Variants in WDR70 observed in about 807,000 individuals in gnomAD.
WDR70 encodes WD repeat-containing protein 70.
In WDR70, 53 loss-of-function variants were observed where a neutral mutation model predicts 88.6. The ratio of observed to expected loss-of-function variants is 0.60; its 90% CI spans 0.48 to 0.75. The LOEUF is 0.75. Ranked by LOEUF, WDR70 falls within the 30% of genes least tolerant of loss-of-function variation. The pLI, the probability that WDR70 is intolerant of heterozygous loss-of-function variation, is 0.00. For missense variants in WDR70, 610 were observed against 823.2 expected (o/e 0.74, Z 3.17); for synonymous variants, 280 against 270.0 (o/e 1.04, Z -0.36).
chr5:37,414,039 GGAGGCT>G (rs1211194537), intron 5 of WDR70, among the ~76,000 whole-genome samples: 1 of 151,370 alleles, frequency 6.6e-6, no homozygotes, highest in African/African-American at 2.4e-5. Flanking sequence ...CAGCTATTTG[GGAGGCT>G]GAGGCAGGAG....
chr5:37,573,431 C>T (rs995555239), intron 9 of WDR70, among the ~76,000 whole-genome samples: 1 of 152,122 alleles, frequency 6.6e-6, no homozygotes, highest in East Asian at 1.9e-4. Context: ...GCACAACGTG[C>T]AGGATTGTTA....
chr5:37,512,069 T>C (rs567284489), intron 8 of WDR70, among the ~76,000 whole-genome samples: 1 of 152,192 alleles, frequency 6.6e-6, no homozygotes, highest in Non-Finnish European at 1.5e-5. Flanking sequence ...TTGGCAAGAA[T>C]GTTGGCTCTA....
intron 5 of WDR70, among the ~76,000 whole-genome samples, chr5:37,415,268 T>G (rs1749667450): frequency 6.6e-6 from 1 of 151,996 alleles, no homozygotes; most frequent in South Asian, 2.1e-4. Flanking sequence ...GCCATTGTCA[T>G]CATGGCCCGT....
intron 6 of WDR70, among the ~76,000 whole-genome samples, chr5:37,440,927 C>A (rs550858809): frequency 6.6e-6 from 1 of 152,304 alleles, no homozygotes; most frequent in East Asian, 1.9e-4. Context: ...GTTCTCCTTT[C>A]TTTTAAACAA....
intron 2 of WDR70, among the ~76,000 whole-genome samples, chr5:37,379,788 T>TAA (rs1327109361): frequency 4.6e-5 from 7 of 152,230 alleles, no homozygotes; most frequent in Non-Finnish European, 8.8e-5. Context: ...TTTTTCTAAT[T>TAA]TTAAGTCACC....
At chr5:37,540,607 C>T (rs1581378943) in intron 9 of WDR70, among the ~76,000 whole-genome samples, 1 of 152,196 alleles carries the variant, frequency 6.6e-6, no homozygotes, top group Non-Finnish European at 1.5e-5. Flanking sequence ...GTCTTGATCT[C>T]TTGACCTCGT....
intron 10 of WDR70, among the ~76,000 whole-genome samples, chr5:37,627,229 C>T (rs887886747): frequency 2.0e-5 from 3 of 152,058 alleles, no homozygotes; most frequent in Non-Finnish European, 2.9e-5. Flanking sequence ...GCTGGGACTA[C>T]AGGTATGTGC....
intron 9 of WDR70, among the ~76,000 whole-genome samples, chr5:37,556,733 T>A (rs1447303036): frequency 2.0e-5 from 3 of 152,212 alleles, no homozygotes; most frequent in African/African-American, 7.2e-5. Context: ...GGTGGGCTGG[T>A]CAGTCTTGGA....
intron 9 of WDR70, among the ~76,000 whole-genome samples, chr5:37,528,451 G>A (rs766460163): frequency 4.8e-4 from 73 of 152,072 alleles, no homozygotes; most frequent in Admixed American, 1.9e-3. Flanking sequence ...GACACAGGAA[G>A]GGGAACATCA....
intron 3 of WDR70, 101 bp from the exon 4 acceptor site, chr5:37,391,899 A>G: frequency 1.5e-6 from 2 of 1,316,178 alleles, no homozygotes. Flanking sequence ...ACTCTAAGTT[A>G]TATCTTTGTG....
At chr5:37,475,770 C>T (rs1739461770) in intron 7 of WDR70, among the ~76,000 whole-genome samples, 3 of 151,696 alleles carry the variant, frequency 2.0e-5, no homozygotes. Context: ...TGTAAACCAT[C>T]CATCTTATTC....
chr5:37,739,748 A>G (rs1360355579), intron 17 of WDR70, among the ~76,000 whole-genome samples: 1 of 151,984 alleles, frequency 6.6e-6, no homozygotes, highest in East Asian at 1.9e-4. Context: ...GTACCCATCA[A>G]CCTGTCATCT....
At chr5:37,527,704 A>C (rs1218024917) in intron 9 of WDR70, among the ~76,000 whole-genome samples, 3 of 152,182 alleles carry the variant, frequency 2.0e-5, no homozygotes, top group Non-Finnish European at 4.4e-5. Context: ...CAACCTACAA[A>C]ATGGGAGAAA....
chr5:37,581,166 A>G (rs1743206521), intron 9 of WDR70, among the ~76,000 whole-genome samples: 1 of 152,108 alleles, frequency 6.6e-6, no homozygotes, highest in Admixed American at 6.5e-5. Flanking sequence ...AGGGACCTTC[A>G]TATAGGGAAC....
intron 17 of WDR70, among the ~76,000 whole-genome samples, chr5:37,736,434 C>T (rs1374038181): frequency 6.6e-6 from 1 of 152,022 alleles, no homozygotes; most frequent in Non-Finnish European, 1.5e-5. Flanking sequence ...ACTCTGTGAG[C>T]AAGTGAAGGT....
rs375214638 is a variant in WDR70, at chr5:37,688,876, C to T, written c.1093-8779C>T. 3.3e-4 allele frequency among the ~76,000 whole-genome samples: 50 copies of T among 152,028 alleles called. 2 individuals are homozygous for T. The South Asian group carries it at 9.3e-3, about 28-fold the overall frequency. On this transcript the variant is annotated intron_variant, in intron 10 of 17. Coordinates refer to ENST00000265107, the MANE Select transcript of WDR70 (RefSeq NM_018034.4). ...ATGGAGGGGGCAAGCCAAAGCAGAG[C>T]GGGGCATCGCCTCACCTGGGAAGCG...
rs1477113071 is a variant in WDR70, at chr5:37,563,153, G to T, written c.918-41911G>T. On this transcript the variant is annotated intron_variant, in intron 9 of 17. Coordinates refer to ENST00000265107, the MANE Select transcript of WDR70 (RefSeq NM_018034.4). ...TGACCTCCCGGCCTCCCTCCCGGATGGGGGGGCTGGCTGGGCGGGGGGCTG... is the reference window on the plus strand; with the variant it reads ...TGACCTCCCGGCCTCCCTCCCGGATTGGGGGGCTGGCTGGGCGGGGGGCTG... Among the ~76,000 whole-genome samples the T allele has an allele frequency of 2.9e-5, 2 of 69,818 alleles. 1 individual carries two copies. The highest frequency in any genetic ancestry group is 7.4e-5 in the Non-Finnish European group (2 of 27,096). 45.8% of individuals were successfully genotyped at this position (69,818 alleles called of 152,430 possible).
chr5:37,645,559 C>T (rs1745209686), intron 10 of WDR70, among the ~76,000 whole-genome samples: 1 of 152,058 alleles, frequency 6.6e-6, no homozygotes, highest in African/African-American at 2.4e-5. Context: ...CTGACCAGTG[C>T]TGAAAGTGGG....
intron 9 of WDR70, among the ~76,000 whole-genome samples, chr5:37,542,294 T>C (rs1406372876): frequency 6.6e-6 from 1 of 151,424 alleles, no homozygotes; most frequent in Non-Finnish European, 1.5e-5. Flanking sequence ...TTTTTTTTTT[T>C]TGGGACAAAG....
Sources: allele counts gnomAD v4.1 joint callset (sites outside exome capture counted in the v4.1 genomes callset), GRCh38; gene constraint gnomAD v4.1.1; transcripts MANE v1.5; gene names NCBI Gene and HGNC (gene_info 2026-07-23, HGNC 2026-07-21).